UBA6: variants seen among roughly 807,000 people sequenced by gnomAD.
UBA6 encodes the protein ubiquitin like modifier activating enzyme 6.
Under a neutral mutation model 148.3 loss-of-function variants are expected in UBA6, and 87 were observed. The ratio of observed to expected loss-of-function variants is 0.59; its 90% CI spans 0.49 to 0.70. The LOEUF is 0.70. UBA6 is among the 30% of genes least tolerant of loss of function. The pLI, the probability that UBA6 is intolerant of heterozygous loss-of-function variation, is 0.00. For missense variants in UBA6, 1,186 were observed against 1,241.2 expected (o/e 0.96, Z 0.67); for synonymous variants, 376 against 401.0 (o/e 0.94, Z 0.75).
intron 3 of UBA6, 146 bp from the exon 4 acceptor site, chr4:67,681,737 C>T: frequency 1.7e-6 from 1 of 587,866 alleles, no homozygotes; most frequent in Non-Finnish European, 2.9e-6. Context: ...AAAAAAGTTA[C>T]AAAATACAGG....
intron 2 of UBA6, among the ~76,000 whole-genome samples, chr4:67,687,035 T>G (rs1157346119): frequency 1.4e-5 from 1 of 70,086 alleles, no homozygotes; most frequent in Non-Finnish European, 2.9e-5. Flanking sequence ...TAAGACTATG[T>G]TTTTTTTTTT....
intron 26 of UBA6, 73 bp from the exon 27 acceptor site, chr4:67,629,215 G>A (rs1728941124): frequency 3.1e-6 from 3 of 955,264 alleles, no homozygotes; most frequent in Admixed American, 3.5e-5. Context: ...TCCTACAAAA[G>A]GTCCTTAATC....
chr4:67,632,007 C>T, intron 23 of UBA6, 99 bp from the exon 24 acceptor site: 2 of 1,127,672 alleles, frequency 1.8e-6, no homozygotes, highest in African/African-American at 1.6e-5. Flanking sequence ...AATATATGCA[C>T]ATGATTCAAA....
Position 67,696,717 on chromosome 4 carries a change from A to G in UBA6, c.72-10T>C. On this transcript the variant is annotated splice_polypyrimidine_tract_variant and intron_variant, in intron 1 of 32. Transcript: ENST00000322244. Reference sequence around the variant, plus strand: ...CAAATTTTTATTTGTGCTGGAAAAAAAAACATGGTTATTAAATATTCACAT... The same window carrying G: ...CAAATTTTTATTTGTGCTGGAAAAAGAAACATGGTTATTAAATATTCACAT... 1 of 1,599,534 alleles carries G rather than the reference A, an allele frequency of 6.3e-7. No homozygotes were observed. Among genetic ancestry groups the G allele is most frequent in the Non-Finnish European group, 8.5e-7 (1 of 1,171,152 alleles).
intron 13 of UBA6, 57 bp downstream of exon 13, chr4:67,662,131 CA>C (rs1202071881): frequency 2.0e-6 from 3 of 1,520,026 alleles, no homozygotes; most frequent in Middle Eastern, 1.7e-4. Context: ...TACTAATATA[CA>C]GAACACTTAT....
intron 13 of UBA6, among the ~76,000 whole-genome samples, chr4:67,660,025 G>C (rs998036675): frequency 6.6e-6 from 1 of 152,176 alleles, no homozygotes; most frequent in African/African-American, 2.4e-5. Context: ...ATCTGGTAGA[G>C]AAATGTCTAA....
intron 20 of UBA6, among the ~76,000 whole-genome samples, chr4:67,635,164 A>G (rs1297282886): frequency 6.6e-5 from 10 of 152,270 alleles, no homozygotes; most frequent in Non-Finnish European, 4.4e-5. Flanking sequence ...TCTCAATCTA[A>G]TAGTTTGTTC....
At chr4:67,682,284 C>T in intron 2 of UBA6, 71 bp from the exon 3 acceptor site, 1 of 1,205,262 alleles carries the variant, frequency 8.3e-7, no homozygotes, top group Non-Finnish European at 1.2e-6. Flanking sequence ...AAGTTGTTTG[C>T]AAACTAAAAG....
At chr4:67,678,990 A>G (rs963787893) in intron 4 of UBA6, among the ~76,000 whole-genome samples, 1 of 152,174 alleles carries the variant, frequency 6.6e-6, no homozygotes, top group Non-Finnish European at 1.5e-5. Context: ...TGTAAGAGCA[A>G]AAGACTGGAA....
At chr4:67,662,442 T>C (rs1452587343) in intron 12 of UBA6, 187 bp from the exon 13 acceptor site, 7 of 501,814 alleles carry the variant, frequency 1.4e-5, no homozygotes, top group East Asian at 9.2e-5. Context: ...ATCACACTTA[T>C]ATCAGTATAT....
chr4:67,698,316 C>CA (rs1730888326), intron 1 of UBA6, among the ~76,000 whole-genome samples: 1 of 151,936 alleles, frequency 6.6e-6, no homozygotes, highest in African/African-American at 2.4e-5. Flanking sequence ...CCACTACTAC[C>CA]AAAAAAATGT....
chr4:67,623,274 G>C, intron 30 of UBA6, 52 bp from the exon 31 acceptor site: 1 of 1,394,582 alleles, frequency 7.2e-7, no homozygotes, highest in Non-Finnish European at 1.0e-6. Context: ...CTTCCTTTTA[G>C]TGATGACACA....
chr4:67,674,256 G>A (rs1730222182), intron 6 of UBA6, among the ~76,000 whole-genome samples: 1 of 152,110 alleles, frequency 6.6e-6, no homozygotes, highest in South Asian at 2.1e-4. Context: ...GCTTCCTGTA[G>A]GGAGACATTC....
Position 67,641,721 on chromosome 4 carries a change from T to C in UBA6, c.1477-493A>G, listed in dbSNP as rs567765431. ...GCCTATTTTTGTAACTAAAGTTTTA[T>C]TGAAACACTGTCATACTATTTAAGA... On this transcript the variant is annotated intron_variant, in intron 17 of 32. Coordinates refer to ENST00000322244, the MANE Select transcript of UBA6 (RefSeq NM_018227.6). Among the ~76,000 whole-genome samples, 28 of 152,290 alleles carry C rather than the reference T, an allele frequency of 1.8e-4. No individual in the cohort carries two copies. The South Asian group carries it at 2.3e-3, about 12-fold the overall frequency.
In UBA6 at chr4:67,633,486, A is replaced by AG. The variant is rs1227626432; in HGVS notation, c.2014-14dup. The AG allele has an allele frequency of 1.9e-5, 29 of 1,566,860 alleles. No individual in the cohort carries two copies. The highest frequency in any genetic ancestry group is 2.5e-5 in the Non-Finnish European group (29 of 1,166,276). ...CACTCTGTATCTTCTAGAATGGGAG[A>AG]GAAAAAAAAAATCAACATACTTCCA... On this transcript the variant is annotated splice_polypyrimidine_tract_variant and intron_variant, in intron 22 of 32. Transcript: ENST00000322244.
At chr4:67,652,314 G>C (rs1382086809) in intron 13 of UBA6, among the ~76,000 whole-genome samples, 1 of 152,128 alleles carries the variant, frequency 6.6e-6, no homozygotes, top group Non-Finnish European at 1.5e-5. Context: ...GAAGACATAT[G>C]AATGGCAAAT....
At position 67,641,153 on chromosome 4, in the gene UBA6, G is replaced by T. The variant is rs758419251; in HGVS notation, c.1552C>A (p.Gln518Lys). Residue 518 changes from glutamine to lysine, a missense_variant and splice_region_variant, in exon 18 of 33, where the codon CAG becomes AAG. By Grantham distance (53) the Gln-to-Lys change is moderately conservative (BLOSUM62 1). Transcript: ENST00000322244. Reference sequence around the variant, plus strand: ...TTTGAAACAGAATAGCAACATACCTGTATGTGATGAGGACGAAATAGGAAC... The same window carrying T: ...TTTGAAACAGAATAGCAACATACCTTTATGTGATGAGGACGAAATAGGAAC... ...RQFLFRPHHI[Q>K]KPKSYTAADA... 6.3e-7 allele frequency: 1 copy of T among 1,578,474 alleles called. No homozygotes were observed. Among genetic ancestry groups the T allele is most frequent in the South Asian group, 1.2e-5 (1 of 86,526 alleles).
At chr4:67,682,883 T>C (rs1346768947) in intron 2 of UBA6, among the ~76,000 whole-genome samples, 7 of 152,210 alleles carry the variant, frequency 4.6e-5, no homozygotes, top group Admixed American at 3.3e-4. Context: ...TCGATATAAA[T>C]AAATAATTTC....
intron 17 of UBA6, among the ~76,000 whole-genome samples, chr4:67,644,220 A>G (rs1443578298): frequency 6.6e-6 from 1 of 152,072 alleles, no homozygotes; most frequent in African/African-American, 2.4e-5. Context: ...TCACATTTAG[A>G]GTCTTAAGAA....
Sources: allele counts gnomAD v4.1 joint callset (sites outside exome capture counted in the v4.1 genomes callset), GRCh38; gene constraint gnomAD v4.1.1; transcripts MANE v1.5; gene names NCBI Gene and HGNC (gene_info 2026-07-23, HGNC 2026-07-21).